BAIAP2: variants seen among roughly 807,000 people sequenced by gnomAD.
BAIAP2 encodes BAR/IMD domain-containing adapter protein 2.
A neutral mutation model predicts 63.0 loss-of-function variants in BAIAP2; 18 were observed. The observed-to-expected ratio is 0.29, with a 90% CI of 0.20 to 0.42. The LOEUF is 0.42. BAIAP2 is among the 10% of genes least tolerant of loss of function. The pLI, the probability that BAIAP2 is intolerant of heterozygous loss-of-function variation, is 1.00. For missense variants in BAIAP2, 610 were observed against 734.3 expected (o/e 0.83, Z 1.96); for synonymous variants, 386 against 307.6 (o/e 1.25, Z -2.67).
chr17:81,042,142 CTTT>C lies in BAIAP2; in HGVS notation c.54+6848_54+6850del, dbSNP rs36029761. On this transcript the variant is annotated intron_variant, in intron 1 of 13. Coordinates refer to ENST00000428708, the MANE Select transcript of BAIAP2 (RefSeq NM_001144888.2). The stretch of plus-strand genomic sequence containing the variant: ...CACTTTTTTTTTTCTTTTCTTTTTT[CTTT>C]TTTTTTTTTTTTTGGAGACAGAGTC... Among the ~76,000 whole-genome samples the C allele has an allele frequency of 5.7e-3, 631 of 109,740 alleles. 3 individuals carry two copies. Among genetic ancestry groups the C allele is most frequent in the East Asian group, 0.033 (142 of 4,268 alleles). The allele number at this position is 109,740 out of a possible 152,430, so 72.0% of individuals were successfully genotyped here.
At chr17:81,091,082 G>A (rs1355400092) in intron 6 of BAIAP2, among the ~76,000 whole-genome samples, 1 of 137,566 alleles carries the variant, frequency 7.3e-6, no homozygotes, top group East Asian at 2.2e-4. Context: ...CCACTTGTGT[G>A]CCCCGACTTG....
In BAIAP2 at chr17:81,099,977, C is replaced by T. The variant is rs1343074500; in HGVS notation, c.539C>T (p.Ser180Phe). The change falls in exon 7 of 14, where the codon TCC becomes TTC. Residue 180 changes from serine to phenylalanine, a missense_variant. Coordinates refer to ENST00000428708, the MANE Select transcript of BAIAP2 (RefSeq NM_001144888.2). Reference sequence around the variant, plus strand: ...CAGGGCGAGCTGGAGAATTACGTGTCCGACGGCTACAAGACCGCACTGACA... The same window carrying T: ...CAGGGCGAGCTGGAGAATTACGTGTTCGACGGCTACAAGACCGCACTGACA... ...NKQGELENYVSDGYKTALTEE... is the reference protein window; with the variant it reads ...NKQGELENYVFDGYKTALTEE... The T allele has an allele frequency of 1.7e-5, 28 of 1,613,492 alleles. No homozygotes were observed. Among genetic ancestry groups the T allele is most frequent in the Non-Finnish European group, 2.4e-5 (28 of 1,179,974 alleles).
intron 1 of BAIAP2, 50 bp downstream of exon 1, chr17:81,035,358 C>A (rs1408987416): frequency 1.1e-5 from 13 of 1,167,120 alleles, no homozygotes; most frequent in Non-Finnish European, 1.4e-5. Context: ...GCGCCTGGGT[C>A]GCGCGCCGCC....
At chr17:81,106,207 AC>A (rs2059164774) in intron 11 of BAIAP2, 61 bp downstream of exon 11, 3 of 1,500,644 alleles carry the variant, frequency 2.0e-6, no homozygotes, top group Non-Finnish European at 2.7e-6. Flanking sequence ...CTGTGATGAC[AC>A]CAGGTCCCTG....
intron 13 of BAIAP2, chr17:81,109,196 C>A: frequency 7.1e-7 from 1 of 1,406,964 alleles, no homozygotes; most frequent in African/African-American, 1.5e-5. Flanking sequence ...CCCCCCCTCC[C>A]CTGTGTTTAC....
At position 81,117,226 on chromosome 17, in the gene BAIAP2, G is replaced by A. The variant is rs2060572267; in HGVS notation, c.*1387G>A. The A allele has an allele frequency of 6.6e-6, 1 of 152,166 alleles. No individual in the cohort carries two copies. The highest frequency in any genetic ancestry group is 2.4e-5 in the African/African-American group (1 of 41,426). 9.4% of individuals were successfully genotyped at this position (152,166 alleles called of 1,614,324 possible). A position where few individuals can be genotyped will look rare whatever the true frequency, so the allele number is the denominator to read the frequency against. ...CTGGCCCCAGGAAGGGCTGGCATCG[G>A]GTTCCTGGCACAGCCCCTCCTGTCC... On this transcript the variant is annotated 3_prime_UTR_variant, in exon 14 of 14. Coordinates refer to ENST00000428708, the MANE Select transcript of BAIAP2 (RefSeq NM_001144888.2).
intron 1 of BAIAP2, among the ~76,000 whole-genome samples, chr17:81,036,274 G>A (rs1048503652): frequency 3.3e-5 from 5 of 152,232 alleles, no homozygotes; most frequent in Non-Finnish European, 7.3e-5. Context: ...GGTCCTGGGC[G>A]ATCTCTTACA....
intron 3 of BAIAP2, 107 bp downstream of exon 3, chr17:81,058,074 C>G (rs532294687): frequency 2.2e-6 from 2 of 907,316 alleles, no homozygotes; most frequent in Non-Finnish European, 3.2e-6. Context: ...CAGGTTTTGC[C>G]TGTCAAATAG....
In BAIAP2 at chr17:81,116,239, G is replaced by A; in HGVS notation, c.*400G>A. The A allele has an allele frequency of 6.2e-7, 1 of 1,612,448 alleles. No individual in the cohort carries two copies. Among genetic ancestry groups the A allele is most frequent in the South Asian group, 1.1e-5 (1 of 91,088 alleles). On this transcript the variant is annotated 3_prime_UTR_variant, in exon 14 of 14. Coordinates refer to ENST00000428708, the MANE Select transcript of BAIAP2 (RefSeq NM_001144888.2). ...GCTTCTCCTGCACCAGGTGTGATCT[G>A]TCCGCCCAAGGGCCAGAAGGCCGGG...
intron 6 of BAIAP2, among the ~76,000 whole-genome samples, chr17:81,093,743 G>A (rs543099413): frequency 1.3e-5 from 2 of 152,298 alleles, no homozygotes; most frequent in African/African-American, 4.8e-5. Context: ...TGAGAAAGGG[G>A]AGAGATGCGT....
At chr17:81,050,095 G>A (rs2048422156) in intron 1 of BAIAP2, among the ~76,000 whole-genome samples, 1 of 152,204 alleles carries the variant, frequency 6.6e-6, no homozygotes, top group African/African-American at 2.4e-5. Flanking sequence ...AGGAGGGGTG[G>A]GTGGCACCTA....
chr17:81,077,840 C>T (rs55647048), intron 3 of BAIAP2, among the ~76,000 whole-genome samples: 3 of 150,166 alleles, frequency 2.0e-5, no homozygotes, highest in Admixed American at 1.3e-4. Context: ...GGCACAGGTG[C>T]GGGTGCCATC....
intron 3 of BAIAP2, among the ~76,000 whole-genome samples, chr17:81,081,443 G>A (rs571667678): frequency 6.6e-6 from 1 of 152,178 alleles, no homozygotes; most frequent in East Asian, 1.9e-4. Context: ...CAGGGTGGAT[G>A]GTGGAGGGGC....
chr17:81,065,062 A>G (rs1318040824), intron 3 of BAIAP2, among the ~76,000 whole-genome samples: 2 of 152,096 alleles, frequency 1.3e-5, no homozygotes, highest in Non-Finnish European at 2.9e-5. Context: ...CTGCTCTCAA[A>G]GCCCCTGAGC....
intron 2 of BAIAP2, among the ~76,000 whole-genome samples, chr17:81,056,649 G>T (rs1367190860): frequency 6.6e-6 from 1 of 152,220 alleles, no homozygotes; most frequent in Admixed American, 6.5e-5. Flanking sequence ...CTCCTGTTTG[G>T]TTCCTCATGA....
intron 6 of BAIAP2, among the ~76,000 whole-genome samples, chr17:81,090,982 G>T (rs1231975648): frequency 6.6e-6 from 1 of 152,196 alleles, no homozygotes; most frequent in African/African-American, 2.4e-5. Flanking sequence ...ACCCTGGGCT[G>T]GGGAACTGGG....
intron 3 of BAIAP2, among the ~76,000 whole-genome samples, chr17:81,059,845 C>T (rs1164012063): frequency 2.0e-5 from 3 of 150,418 alleles, no homozygotes; most frequent in Non-Finnish European, 3.0e-5. Flanking sequence ...AGGGTCTGCC[C>T]GTGGGGAACT....
At chr17:81,057,746 G>C in intron 2 of BAIAP2, 135 bp from the exon 3 acceptor site, 1 of 1,412,748 alleles carries the variant, frequency 7.1e-7, no homozygotes. Context: ...AAATCACAGC[G>C]AGTCGAGTAT....
chr17:81,089,950 C>T (rs2056427054), intron 6 of BAIAP2, among the ~76,000 whole-genome samples: 1 of 152,122 alleles, frequency 6.6e-6, no homozygotes. Flanking sequence ...TCTCGGCCTC[C>T]CAGGGCCCCT....
Sources: gnomAD v4.1 joint callset for allele counts (sites outside exome capture counted in the v4.1 genomes callset) on GRCh38, gnomAD v4.1.1 for gene constraint, MANE v1.5 for transcripts, NCBI Gene and HGNC (gene_info 2026-07-23, HGNC 2026-07-21) for gene names.